The following EDF1 variants were observed in gnomAD, a reference collection of about 807,000 sequenced individuals.
The protein encoded by EDF1 is endothelial differentiation related factor 1, also known as endothelial differentiation-related factor 1.
Under a neutral mutation model 20.8 loss-of-function variants are expected in EDF1, and 5 were observed. The ratio of observed to expected loss-of-function variants is 0.24; its 90% CI spans 0.13 to 0.51. EDF1 has a LOEUF of 0.51. EDF1 is among the 20% of genes least tolerant of loss of function. The pLI, the probability that EDF1 is intolerant of heterozygous loss-of-function variation, is 0.97. For synonymous variants in EDF1, 96 were observed against 78.5 expected (o/e 1.22, Z -1.18); for missense variants, 137 against 197.8 (o/e 0.69, Z 1.84).
rs956977488 is a variant in EDF1, at chr9:136,862,763, T to C, written c.385+143A>G. 3.1e-6 allele frequency: 5 copies of C among 1,593,666 alleles called. No individual in the cohort carries two copies. The South Asian group carries it at 5.7e-5, about 18-fold the overall frequency. On this transcript the variant is annotated intron_variant, in intron 4 of 4. Transcript: ENST00000224073. This position sits in a 1 kb window ranked among gnomAD's most constrained non-coding sequence, Gnocchi z 4.1. ...CCACCATCCCTCAGTCTGTACTACCTGGAGAAGCAAAGCTCCAGAATTCAG... is the reference window on the plus strand; with the variant it reads ...CCACCATCCCTCAGTCTGTACTACCCGGAGAAGCAAAGCTCCAGAATTCAG...
rs1455372509 is a variant in EDF1 at position 136,862,264 on chromosome 9, C to G, written c.*20G>C. 1 of 1,613,862 alleles carries G rather than the reference C, an allele frequency of 6.2e-7. No individual in the cohort carries two copies. The highest frequency in any genetic ancestry group is 1.3e-5 in the African/African-American group (1 of 74,892). ...GCGGAACGAGATCAGCTGGAGCGCA[C>G]TGATTTCGAGGCTTTGTGTTCATTT... is the stretch of plus-strand genomic sequence containing the variant. On this transcript the variant is annotated 3_prime_UTR_variant, in exon 5 of 5. Coordinates refer to ENST00000224073, the MANE Select transcript of EDF1 (RefSeq NM_003792.4). The surrounding 1 kb of genome is among the most constrained non-coding windows in gnomAD (Gnocchi z 4.1).
rs558235439 is a variant in EDF1 at position 136,862,519 on chromosome 9, T to C, written c.386-174A>G. 3.7e-6 allele frequency: 6 copies of C among 1,608,956 alleles called. No homozygotes were observed. In the African/African-American group the frequency reaches 8.0e-5, roughly 21 times the overall value. ...CATCTAATTTTGAAGAGGATGAGTC[T>C]GATCACCTTAGACAGCAGAGCATGA... On this transcript the variant is annotated intron_variant, in intron 4 of 4. Transcript: ENST00000224073. This position sits in a 1 kb window ranked among gnomAD's most constrained non-coding sequence, Gnocchi z 4.1.
At position 136,862,338 on chromosome 9, in the gene EDF1, C is replaced by A; in HGVS notation, c.393G>T (p.Lys131Asn). Reference sequence around the variant, plus strand: ...GCTTTCCAATGTCCTTTCCCCGGAGCTTGAGGCCTGAAATGAGCCACAGCC... The same window carrying A: ...GCTTTCCAATGTCCTTTCCCCGGAGATTGAGGCCTGAAATGAGCCACAGCC... Reference protein sequence around the residue: ...LGKIERAIGLKLRGKDIGKPI... With the variant: ...LGKIERAIGLNLRGKDIGKPI... Residue 131 changes from lysine to asparagine, a missense_variant, in exon 5 of 5, where the codon AAG becomes AAT. Coordinates refer to ENST00000224073, the MANE Select transcript of EDF1 (RefSeq NM_003792.4). The surrounding 1 kb of genome is among the most constrained non-coding windows in gnomAD (Gnocchi z 4.1). The A allele has an allele frequency of 6.2e-7, 1 of 1,614,068 alleles. No individual in the cohort carries two copies.
chr9:136,865,761 C>G (rs1849207937), intron 1 of EDF1, among the ~76,000 whole-genome samples: 1 of 151,348 alleles, frequency 6.6e-6, no homozygotes, highest in Admixed American at 6.6e-5. Context: ...GCCTTGTCCC[C>G]GTCCCCGTCC....
rs968390334 is a variant in EDF1 at position 136,862,803 on chromosome 9, C to G, written c.385+103G>C. ...CCAGAATTCAGAGAACAGGGGACCC[C>G]CAGGGCCATCTTCTTCCCCCGAGTC... On this transcript the variant is annotated intron_variant, in intron 4 of 4. Coordinates refer to ENST00000224073, the MANE Select transcript of EDF1 (RefSeq NM_003792.4). The surrounding 1 kb of genome is among the most constrained non-coding windows in gnomAD (Gnocchi z 4.1). The G allele has an allele frequency of 2.5e-6, 4 of 1,609,760 alleles. No homozygotes were observed. Among genetic ancestry groups the G allele is most frequent in the African/African-American group, 1.3e-5 (1 of 74,850 alleles).
chr9:136,865,625 C>T (rs1247456774), intron 1 of EDF1, among the ~76,000 whole-genome samples: 3 of 151,420 alleles, frequency 2.0e-5, no homozygotes, highest in Non-Finnish European at 4.4e-5. Flanking sequence ...CCAGTCCCCA[C>T]CCCTGTCCTA....
Position 136,863,820 on chromosome 9 carries a change from A to G in EDF1, c.130T>C (p.Trp44Arg). 6.2e-7 allele frequency: 1 copy of G among 1,613,878 alleles called. No homozygotes were observed. Residue 44 changes from tryptophan (W) to arginine (R), a missense_variant and splice_region_variant, in exon 2 of 5, where the codon TGG becomes CGG. Transcript: ENST00000224073. This position sits in a 1 kb window ranked among gnomAD's most constrained non-coding sequence, Gnocchi z 4.5. ...RGEDVETSKK[W>R]AAGQNKQHSI... The stretch of plus-strand genomic sequence containing the variant: ...TGCAAGCGGAAACACAAGTACCTAC[A>G]TTTCTTGGAAGTCTCCACATCTTCT...
At position 136,862,794 on chromosome 9, in the gene EDF1, A is replaced by C; in HGVS notation, c.385+112T>G. ...AGCAAAGCTCCAGAATTCAGAGAAC[A>C]GGGGACCCCCAGGGCCATCTTCTTC... On this transcript the variant is annotated intron_variant, in intron 4 of 4. Transcript: ENST00000224073. This position sits in a 1 kb window ranked among gnomAD's most constrained non-coding sequence, Gnocchi z 4.1. The C allele has an allele frequency of 1.2e-6, 2 of 1,608,190 alleles. No homozygotes were observed. The highest frequency in any genetic ancestry group is 1.7e-6 in the Non-Finnish European group (2 of 1,178,514).
In EDF1 at chr9:136,863,068, C is replaced by T. The variant is rs151034715; in HGVS notation, c.292-69G>A. ...TGCTGCAAAACCAGGCGCGAAGCGT[C>T]GCCTGAGAACAGCAGCTTCTAGGGC... is the stretch of plus-strand genomic sequence containing the variant. On this transcript the variant is annotated intron_variant, in intron 3 of 4. Transcript: ENST00000224073. The surrounding 1 kb of genome is among the most constrained non-coding windows in gnomAD (Gnocchi z 4.5). 6.6e-3 allele frequency: 10,581 copies of T among 1,595,610 alleles called. 42 individuals carry two copies. The highest frequency in any genetic ancestry group is 0.011 in the Middle Eastern group (53 of 4,882).
rs1849223795 is a variant in EDF1 at position 136,866,213 on chromosome 9, C to T, written c.46G>A (p.Gly16Ser). The change falls in exon 1 of 5, where the codon GGC (glycine) becomes AGC (serine). Residue 16 changes from glycine (G) to serine (S), a missense_variant. Transcript: ENST00000224073. ...GATTTGGCCTGGGCGGCCGTAGGGC[C>T]CTTCTTGCGCAGCACCGTCACCGTG... ...WDTVTVLRKK[G>S]PTAAQAKSKQ... The T allele has an allele frequency of 6.2e-7, 1 of 1,601,860 alleles. No individual in the cohort carries two copies. Among genetic ancestry groups the T allele is most frequent in the Non-Finnish European group, 8.5e-7 (1 of 1,176,020 alleles).
rs1849141642 is a variant in EDF1 at position 136,863,128 on chromosome 9, G to C, written c.292-129C>G. On this transcript the variant is annotated intron_variant, in intron 3 of 4. Coordinates refer to ENST00000224073, the MANE Select transcript of EDF1 (RefSeq NM_003792.4). The surrounding 1 kb of genome is among the most constrained non-coding windows in gnomAD (Gnocchi z 4.5). ...ACGCACCCACACGCAGCTGGGTTTT[G>C]TGCGAGAGGCAGTGAGAGCCGGGCT... The C allele has an allele frequency of 2.6e-6, 4 of 1,515,742 alleles. No individual in the cohort carries two copies. In the South Asian group the frequency reaches 4.6e-5, roughly 18 times the overall value. 93.9% of individuals were successfully genotyped at this position (1,515,742 alleles called of 1,614,324 possible).
chr9:136,866,164 C>G lies in EDF1; in HGVS notation c.78+17G>C. 1.3e-6 allele frequency: 2 copies of G among 1,591,698 alleles called. No individual in the cohort carries two copies. The highest frequency in any genetic ancestry group is 8.5e-7 in the Non-Finnish European group (1 of 1,171,940). ...TCCGCCCCGCCCGGCCCGGCCGCTC[C>G]TCAGTCAGCAAAGCACCTGCTTGGA... On this transcript the variant is annotated intron_variant, in intron 1 of 4. Transcript: ENST00000224073.
rs763418691 is a variant in EDF1 at position 136,863,395 on chromosome 9, C to T, written c.184G>A (p.Asp62Asn). 1.2e-6 allele frequency: 2 copies of T among 1,614,158 alleles called. No individual in the cohort carries two copies. Among genetic ancestry groups the T allele is most frequent in the Non-Finnish European group, 1.7e-6 (2 of 1,180,012 alleles). Residue 62 changes from aspartate to asparagine, a missense_variant, in exon 3 of 5, where the codon GAC becomes AAC. Asp to Asn is a conservative substitution (Grantham distance 23). Coordinates refer to ENST00000224073, the MANE Select transcript of EDF1 (RefSeq NM_003792.4). This position sits in a 1 kb window ranked among gnomAD's most constrained non-coding sequence, Gnocchi z 4.5. ...HSITKNTAKL[D>N]RETEELHHDR... is the part of the protein sequence containing the mutation. ...TGGTGCAGCTCCTCTGTCTCCCGGT[C>T]CAGCTTGGCCGTGTTCTTGGTAATA...
In EDF1 at chr9:136,862,677, G is replaced by T. The variant is rs1849127750; in HGVS notation, c.385+229C>A. ...CAACAGCACAGGCTGACGGGAACTG[G>T]CAAGGGGAAGGGACTCGGACTCCAC... On this transcript the variant is annotated intron_variant, in intron 4 of 4. Coordinates refer to ENST00000224073, the MANE Select transcript of EDF1 (RefSeq NM_003792.4). The surrounding 1 kb of genome is among the most constrained non-coding windows in gnomAD (Gnocchi z 4.1). The T allele has an allele frequency of 2.0e-6, 3 of 1,490,762 alleles. No individual in the cohort carries two copies. The highest frequency in any genetic ancestry group is 4.9e-5 in the East Asian group (2 of 41,030). 92.3% of individuals were successfully genotyped at this position (1,490,762 alleles called of 1,614,324 possible).
In EDF1 at chr9:136,862,233, G is replaced by A. The variant is rs1849113135; in HGVS notation, c.*51C>T. On this transcript the variant is annotated 3_prime_UTR_variant, in exon 5 of 5. Coordinates refer to ENST00000224073, the MANE Select transcript of EDF1 (RefSeq NM_003792.4). The surrounding 1 kb of genome is among the most constrained non-coding windows in gnomAD (Gnocchi z 4.1). Reference sequence around the variant, plus strand: ...GGAGAACGGAACTGGCGGCCAAGGGGAACCGGCGGAACGAGATCAGCTGGA... The same window carrying A: ...GGAGAACGGAACTGGCGGCCAAGGGAAACCGGCGGAACGAGATCAGCTGGA... 6.2e-7 allele frequency: 1 copy of A among 1,610,982 alleles called. No individual in the cohort carries two copies. Among genetic ancestry groups the A allele is most frequent in the South Asian group, 1.1e-5 (1 of 91,022 alleles).
Position 136,862,396 on chromosome 9 carries a change from C to A in EDF1, c.386-51G>T, listed in dbSNP as rs756005713. 16 of 1,613,966 alleles carry A rather than the reference C, an allele frequency of 9.9e-6. No individual in the cohort carries two copies. The highest frequency in any genetic ancestry group is 1.4e-5 in the Non-Finnish European group (16 of 1,180,014). ...ACTGCAGCACCAGCTCCCTCCTCCC[C>A]CCAACGCTGCCCCTCTTCAACATCT... On this transcript the variant is annotated intron_variant, in intron 4 of 4. Transcript: ENST00000224073. The surrounding 1 kb of genome is among the most constrained non-coding windows in gnomAD (Gnocchi z 4.1).
rs1849123600 is a variant in EDF1 at position 136,862,548 on chromosome 9, C to A, written c.386-203G>T. On this transcript the variant is annotated intron_variant, in intron 4 of 4. Transcript: ENST00000224073. This position sits in a 1 kb window ranked among gnomAD's most constrained non-coding sequence, Gnocchi z 4.1. ...CACCTTAGACAGCAGAGCATGAACA[C>A]CCCTCTCCGGAAGAACCGGAGCCGG... The A allele has an allele frequency of 2.5e-6, 4 of 1,597,042 alleles. No individual in the cohort carries two copies. The highest frequency in any genetic ancestry group is 3.4e-6 in the Non-Finnish European group (4 of 1,176,860).
Position 136,863,087 on chromosome 9 carries a change from C to G in EDF1, c.292-88G>C. On this transcript the variant is annotated intron_variant, in intron 3 of 4. Coordinates refer to ENST00000224073, the MANE Select transcript of EDF1 (RefSeq NM_003792.4). The surrounding 1 kb of genome is among the most constrained non-coding windows in gnomAD (Gnocchi z 4.5). ...AAGCGTCGCCTGAGAACAGCAGCTT[C>G]TAGGGCCCCTGGGGTACGCACCCAC... 2 of 1,571,464 alleles carry G rather than the reference C, an allele frequency of 1.3e-6. No individual in the cohort carries two copies. Among genetic ancestry groups the G allele is most frequent in the Non-Finnish European group, 1.7e-6 (2 of 1,147,218 alleles).
Position 136,863,432 on chromosome 9 carries a change from G to A in EDF1, c.147C>T (p.Asn49=). 1 of 1,613,786 alleles carries A rather than the reference G, an allele frequency of 6.2e-7. No individual in the cohort carries two copies. Among genetic ancestry groups the A allele is most frequent in the Non-Finnish European group, 8.5e-7 (1 of 1,179,760 alleles). ...TGTTCTTGGTAATAGAATGTTGTTT[G>A]TTCTGGCCAGCAGCCCCTGGAGTCG... ...ETSKKWAAGQ[N]KQHSITKNTA... is the part of the protein sequence containing the mutation. Residue 49 remains asparagine, a synonymous_variant, in exon 3 of 5, where the codon AAC becomes AAT. Transcript: ENST00000224073. This position sits in a 1 kb window ranked among gnomAD's most constrained non-coding sequence, Gnocchi z 4.5.
Sources: gnomAD v4.1 joint callset for allele counts (sites outside exome capture counted in the v4.1 genomes callset) on GRCh38, gnomAD v4.1.1 for gene constraint, Gnocchi (gnomAD v3.1) non-coding constraint, MANE v1.5 for transcripts, NCBI Gene and HGNC (gene_info 2026-07-23, HGNC 2026-07-21) for gene names.